The following CNTLN variants were observed in gnomAD, a reference collection of about 807,000 sequenced individuals.
CNTLN encodes the protein centlein.
CNTLN carries 212 observed loss-of-function variants against 180.0 expected under a neutral mutation model. The ratio of observed to expected loss-of-function variants is 1.18; its 90% CI spans 1.05 to 1.32. CNTLN has a LOEUF of 1.32. Among genes scored for constraint, CNTLN ranks in the 40% most tolerant of loss-of-function variants. The pLI, the probability that CNTLN is intolerant of heterozygous loss-of-function variation, is 0.00. For synonymous variants in CNTLN, 722 were observed against 563.1 expected, an observed-to-expected ratio of 1.28 and a Z score of -3.99; for missense variants, 2,095 against 1,610.9, an observed-to-expected ratio of 1.30 and a Z score of -5.14.
chr9:17,438,941 T>C (rs1829945963), intron 18 of CNTLN, among the ~76,000 whole-genome samples: 1 of 152,106 alleles, frequency 6.6e-6, no homozygotes, highest in South Asian at 2.1e-4. Flanking sequence ...AAAGAGAATC[T>C]TAGAAGCCAA....
intron 23 of CNTLN, among the ~76,000 whole-genome samples, chr9:17,479,467 C>T (rs1406917051): frequency 1.3e-5 from 2 of 152,112 alleles, no homozygotes. Flanking sequence ...GGTTCCACTT[C>T]TATGAGTGTT....
intron 15 of CNTLN, among the ~76,000 whole-genome samples, chr9:17,401,254 C>T (rs762345906): frequency 2.0e-4 from 31 of 152,264 alleles, no homozygotes; most frequent in Non-Finnish European, 3.7e-4. Flanking sequence ...GATGACCAGA[C>T]TATATATACA....
At chr9:17,173,838 G>A (rs1255183013) in intron 2 of CNTLN, among the ~76,000 whole-genome samples, 1 of 152,036 alleles carries the variant, frequency 6.6e-6, no homozygotes, top group Non-Finnish European at 1.5e-5. Context: ...ACAGAGATTT[G>A]GCATATGCTT....
intron 5 of CNTLN, among the ~76,000 whole-genome samples, chr9:17,245,556 C>T (rs1289157307): frequency 6.6e-6 from 1 of 151,058 alleles, no homozygotes. Flanking sequence ...TGGTCTATAA[C>T]CTTTTTGTTC....
At chr9:17,515,929 C>G in the CNTLN span, among the ~76,000 whole-genome samples, 1 of 152,190 alleles carries the variant, frequency 6.6e-6, no homozygotes, top group Non-Finnish European at 1.5e-5. Flanking sequence ...TTCCTTCAGC[C>G]TTCAAGGCCT....
Position 17,211,196 on chromosome 9 carries a change from G to A in CNTLN, c.450-15007G>A, listed in dbSNP as rs182313208. The stretch of plus-strand genomic sequence containing the variant: ...GGGTTTTTATGGTTTTAGGTCTAAC[G>A]TTTAAGTCTTTAATCCCTCTTGAAT... On this transcript the variant is annotated intron_variant, in intron 2 of 25. Coordinates refer to ENST00000380647, the MANE Select transcript of CNTLN (RefSeq NM_017738.4). Among the ~76,000 whole-genome samples the A allele has an allele frequency of 5.1e-3, 773 of 152,186 alleles. 5 individuals carry two copies. The highest frequency in any genetic ancestry group is 8.0e-3 in the Admixed American group (122 of 15,274).
At chr9:17,418,329 TA>T (rs1181491902) in intron 18 of CNTLN, among the ~76,000 whole-genome samples, 1 of 152,034 alleles carries the variant, frequency 6.6e-6, no homozygotes, top group Admixed American at 6.6e-5. Flanking sequence ...ATGTGGTAAC[TA>T]AACTTAGAAT....
chr9:17,236,318 C>T, intron 4 of CNTLN, 91 bp from the exon 5 acceptor site: 2 of 1,086,938 alleles, frequency 1.8e-6, no homozygotes, highest in Non-Finnish European at 2.6e-6. Flanking sequence ...TAAAACTGCA[C>T]AGTTTGTATT....
intron 2 of CNTLN, among the ~76,000 whole-genome samples, chr9:17,190,881 A>G (rs1169816803): frequency 6.6e-6 from 1 of 152,200 alleles, no homozygotes; most frequent in Admixed American, 6.5e-5. Context: ...TGTTACCATA[A>G]ATGTTGCAAT....
chr9:17,390,542 C>A (rs374614655), intron 14 of CNTLN, among the ~76,000 whole-genome samples: 4 of 152,134 alleles, frequency 2.6e-5, no homozygotes, highest in East Asian at 3.9e-4. Flanking sequence ...CTGCACCCGG[C>A]CTGAAAAGAG....
chr9:17,338,342 T>TTTTTTTTG (rs1554692016), intron 10 of CNTLN, among the ~76,000 whole-genome samples: 4 of 143,790 alleles, frequency 2.8e-5, no homozygotes, highest in Non-Finnish European at 6.1e-5. Context: ...TTTTTGTTTT[T>TTTTTTTTG]TTTTTTTTTT....
rs201882370 is a variant in CNTLN at position 17,388,287 on chromosome 9, G to A, written c.2079+34G>A. ...ATCTTTAAGATATTGAGCTGAGCAA[G>A]TTAAATCTGAATTTTAACATAAAGG... On this transcript the variant is annotated intron_variant, in intron 14 of 25. Transcript: ENST00000380647. The A allele has an allele frequency of 3.6e-6, 5 of 1,376,854 alleles. No homozygotes were observed. The East Asian group carries it at 6.9e-5, about 19-fold the overall frequency. The allele number at this position is 1,376,854 out of a possible 1,614,324, so 85.3% of individuals were successfully genotyped here. A position where few individuals can be genotyped will look rare whatever the true frequency, so the allele number is the denominator to read the frequency against.
chr9:17,447,046 A>C (rs1156810358), intron 18 of CNTLN: 1 of 163,778 alleles, frequency 6.1e-6, no homozygotes, highest in Non-Finnish European at 1.3e-5. Context: ...CATAGACTGC[A>C]GTCAAAGAAT....
intron 2 of CNTLN, among the ~76,000 whole-genome samples, chr9:17,209,107 C>T (rs1823114148): frequency 6.6e-6 from 1 of 151,924 alleles, no homozygotes; most frequent in Non-Finnish European, 1.5e-5. Context: ...ACTGCTTTTG[C>T]TATAGGTTTG....
intron 12 of CNTLN, among the ~76,000 whole-genome samples, chr9:17,354,474 A>G (rs1822651757): frequency 6.6e-6 from 1 of 152,156 alleles, no homozygotes; most frequent in South Asian, 2.1e-4. Context: ...GGCACTCTGT[A>G]TCTAGCTCAA....
intron 8 of CNTLN, among the ~76,000 whole-genome samples, chr9:17,313,580 A>G (rs1819353484): frequency 6.6e-6 from 1 of 151,994 alleles, no homozygotes; most frequent in South Asian, 2.1e-4. Context: ...TTAGCATTTA[A>G]ACTATGATGT....
At position 17,346,031 on chromosome 9, in the gene CNTLN, A is replaced by T. The variant is rs78336023; in HGVS notation, c.1886+3587A>T. ...TTGTATTATTCTGTTTTCACAGTAT[A>T]AAGAAATACACAAAACTGGATAATT... On this transcript the variant is annotated intron_variant, in intron 12 of 25. Coordinates refer to ENST00000380647, the MANE Select transcript of CNTLN (RefSeq NM_017738.4). Among the ~76,000 whole-genome samples the T allele has an allele frequency of 0.025, 3,819 of 152,306 alleles. 205 individuals carry two copies. In the East Asian group the frequency reaches 0.25, roughly 10 times the overall value.
At chr9:17,252,577 A>C (rs189508242) in intron 5 of CNTLN, among the ~76,000 whole-genome samples, 8 of 151,672 alleles carry the variant, frequency 5.3e-5, no homozygotes, top group Admixed American at 2.0e-4. Context: ...ACATGTTATA[A>C]TGTGATTTTT....
intron 2 of CNTLN, among the ~76,000 whole-genome samples, chr9:17,208,065 A>G (rs1303598074): frequency 1.3e-5 from 2 of 152,174 alleles, no homozygotes; most frequent in East Asian, 3.9e-4. Flanking sequence ...AAAGACTTAC[A>G]GTTTTTCCAC....
Sources: allele counts gnomAD v4.1 joint callset (sites outside exome capture counted in the v4.1 genomes callset), GRCh38; gene constraint gnomAD v4.1.1; transcripts MANE v1.5; gene names NCBI Gene and HGNC (gene_info 2026-07-23, HGNC 2026-07-21).